The following COL24A1 variants were observed in gnomAD, a reference collection of about 807,000 sequenced individuals.
COL24A1 encodes collagen alpha-1(XXIV) chain.
COL24A1 carries 224 observed loss-of-function variants against 253.9 expected under a neutral mutation model. The observed-to-expected ratio is 0.88, with a 90% CI of 0.79 to 0.99. COL24A1 has a LOEUF of 0.99. Among genes scored for constraint, COL24A1 ranks in the 50% least tolerant of loss-of-function variants. The probability of loss-of-function intolerance (pLI) is 0.00; values close to 1 mark genes in which losing one functional copy is unlikely to be tolerated. For synonymous variants in COL24A1, 685 were observed against 673.7 expected (o/e 1.02, Z -0.26); for missense variants, 2,131 against 2,068.5 (o/e 1.03, Z -0.59).
intron 19 of COL24A1, among the ~76,000 whole-genome samples, chr1:86,013,620 G>A (rs183168623): frequency 7.9e-4 from 120 of 152,302 alleles, no homozygotes; most frequent in African/African-American, 2.8e-3. Context: ...TGGATCACCT[G>A]AGGTCAGGAG....
intron 37 of COL24A1, among the ~76,000 whole-genome samples, chr1:85,851,683 A>G (rs1677785383): frequency 6.6e-6 from 1 of 152,168 alleles, no homozygotes; most frequent in Non-Finnish European, 1.5e-5. Flanking sequence ...TTATGGAAAA[A>G]CGTATAGCTA....
chr1:85,754,712 T>G (rs72948695), intron 55 of COL24A1, among the ~76,000 whole-genome samples: 5,327 of 151,914 alleles, frequency 0.035, 307 homozygotes, highest in African/African-American at 0.12. Flanking sequence ...GGCTCTACAG[T>G]AGATTTCCAT....
chr1:86,114,663 T>C lies in COL24A1; in HGVS notation c.1545+662A>G, dbSNP rs114605145. 9.0e-3 allele frequency among the ~76,000 whole-genome samples: 1,375 copies of C among 152,270 alleles called. 23 individuals are homozygous for C. The highest frequency in any genetic ancestry group is 0.074 in the East Asian group (384 of 5,184). ...AACTTAAAGTAATATTTTAGAGTAA[T>C]TTTTCTTTATAATCTTTGTATGTTA... On this transcript the variant is annotated intron_variant, in intron 4 of 59. Transcript: ENST00000370571.
Position 86,022,302 on chromosome 1 carries a change from A to C in COL24A1, c.2203-9T>G. On this transcript the variant is annotated splice_polypyrimidine_tract_variant and intron_variant, in intron 17 of 59. Transcript: ENST00000370571. ...GGTAAACCAACAGCACCCTAAGAGAAGAGAATAACAGAAGAGAAAGTTATT... is the reference window on the plus strand; with the variant it reads ...GGTAAACCAACAGCACCCTAAGAGACGAGAATAACAGAAGAGAAAGTTATT... 1 of 1,522,118 alleles carries C rather than the reference A, an allele frequency of 6.6e-7. No individual in the cohort carries two copies. Among genetic ancestry groups the C allele is most frequent in the Non-Finnish European group, 8.7e-7 (1 of 1,144,924 alleles). The allele number at this position is 1,522,118 out of a possible 1,614,324, so 94.3% of individuals were successfully genotyped here.
Position 85,783,498 on chromosome 1 carries a change from T to A in COL24A1, c.4282A>T (p.Arg1428Ter). ...ISGPKGPIGHRGNTGPLGREG... is the reference protein window; with the variant it reads ...ISGPKGPIGH ...AGGCAGAATGACTTTACACTTACTC[T>A]GTGTCCAATAGGACCTTTAGGACCT... The change falls in exon 51 of 60, where the codon AGA (arginine) becomes TGA (stop). Residue 1428 changes from arginine (R) to a stop codon, truncating the protein, a stop_gained and splice_region_variant. Transcript: ENST00000370571. LOFTEE classifies it high-confidence loss of function. 6.2e-7 allele frequency: 1 copy of A among 1,613,102 alleles called. No individual in the cohort carries two copies.
At chr1:85,847,616 T>G (rs878980048) in intron 39 of COL24A1, 49 bp downstream of exon 39, 1 of 1,346,780 alleles carries the variant, frequency 7.4e-7, no homozygotes, top group South Asian at 1.2e-5. Context: ...TGGATACGTT[T>G]CTTTCCCATC....
At chr1:85,795,550 T>C (rs1005082903) in intron 47 of COL24A1, among the ~76,000 whole-genome samples, 1 of 152,192 alleles carries the variant, frequency 6.6e-6, no homozygotes, top group African/African-American at 2.4e-5. Flanking sequence ...ATATCAATTT[T>C]ATTGATTTCT....
chr1:85,877,316 TTACTC>T, intron 32 of COL24A1, 141 bp from the exon 33 acceptor site: 1 of 573,840 alleles, frequency 1.7e-6, no homozygotes. Flanking sequence ...GCATATTACT[TTACTC>T]TGTATAAACA....
chr1:85,932,916 A>G (rs1407368940), intron 24 of COL24A1, among the ~76,000 whole-genome samples: 1 of 94,558 alleles, frequency 1.1e-5, no homozygotes, highest in Non-Finnish European at 2.1e-5. Flanking sequence ...GAAGGGGAAT[A>G]TCACACTCTG....
At chr1:85,826,044 T>A in intron 43 of COL24A1, among the ~76,000 whole-genome samples, 1 of 135,022 alleles carries the variant, frequency 7.4e-6, no homozygotes, top group South Asian at 2.7e-4. Context: ...CTTCTAGGGT[T>A]TTTATGGTTT....
intron 20 of COL24A1, among the ~76,000 whole-genome samples, chr1:85,985,680 A>T (rs1363622018): frequency 6.6e-6 from 1 of 151,746 alleles, no homozygotes; most frequent in East Asian, 1.9e-4. Flanking sequence ...TTTTAAGGGT[A>T]AAGGGGAAAT....
intron 2 of COL24A1, among the ~76,000 whole-genome samples, chr1:86,143,461 G>A (rs1651441522): frequency 6.6e-6 from 1 of 152,026 alleles, no homozygotes; most frequent in African/African-American, 2.4e-5. Flanking sequence ...AAATATAAAC[G>A]TACATGGCTC....
intron 45 of COL24A1, among the ~76,000 whole-genome samples, chr1:85,822,109 A>G (rs1673688318): frequency 6.6e-6 from 1 of 152,152 alleles, no homozygotes; most frequent in Non-Finnish European, 1.5e-5. Flanking sequence ...CTGCTTGTTT[A>G]GGCTTATCTT....
At chr1:86,017,120 C>A in intron 19 of COL24A1, 31 bp downstream of exon 19, 2 of 1,578,636 alleles carry the variant, frequency 1.3e-6, no homozygotes, top group East Asian at 2.3e-5. Context: ...CATTTTGTTT[C>A]AAATTTATTA....
intron 55 of COL24A1, among the ~76,000 whole-genome samples, chr1:85,748,502 CT>C (rs1665529397): frequency 6.6e-6 from 1 of 152,214 alleles, no homozygotes; most frequent in South Asian, 2.1e-4. Flanking sequence ...AAAACCATGT[CT>C]TTAGAACTAA....
chr1:85,851,385 A>G (rs1005297116), intron 37 of COL24A1, among the ~76,000 whole-genome samples: 10 of 152,040 alleles, frequency 6.6e-5, no homozygotes, highest in African/African-American at 2.4e-4. Context: ...TTCTTTTGCT[A>G]TTACAGACAA....
chr1:85,875,277 C>A lies in COL24A1; in HGVS notation c.3084G>T (p.Lys1028Asn). 2 of 1,613,460 alleles carry A rather than the reference C, an allele frequency of 1.2e-6. No homozygotes were observed. Among genetic ancestry groups the A allele is most frequent in the East Asian group, 4.5e-5 (2 of 44,864 alleles). Residue 1028 changes from lysine (K) to asparagine (N), a missense_variant and splice_region_variant, in exon 34 of 60, where the codon AAG (lysine) becomes AAT (asparagine). Transcript: ENST00000370571. Reference protein sequence around the residue: ...ESGLQGEPGAKGDVGTAGSVG... With the variant: ...ESGLQGEPGANGDVGTAGSVG... ...TCTCCTTTATTTTTTAGAAGGTTAC[C>A]TTTGCACCTGGTTCACCTTGCAGAC...
At position 86,022,847 on chromosome 1, in the gene COL24A1, T is replaced by A; in HGVS notation, c.2134A>T (p.Ile712Phe). ...ATTTAAATCACCTTATCACCTTTGA[T>A]TCCAGGTAGTCCTTTATTCCCTGAA... is the stretch of plus-strand genomic sequence containing the variant. ...GLSGNKGLPG[I>F]KGDKGEQGTA... The change falls in exon 16 of 60, where the codon ATC (isoleucine) becomes TTC (phenylalanine). Residue 712 changes from isoleucine to phenylalanine, a missense_variant. By Grantham distance (21) the Ile-to-Phe change is conservative. Transcript: ENST00000370571. 1 of 1,585,638 alleles carries A rather than the reference T, an allele frequency of 6.3e-7. No homozygotes were observed. The highest frequency in any genetic ancestry group is 8.6e-7 in the Non-Finnish European group (1 of 1,164,572).
chr1:86,063,245 T>C (rs1701222816), intron 8 of COL24A1, among the ~76,000 whole-genome samples: 1 of 152,130 alleles, frequency 6.6e-6, no homozygotes, highest in East Asian at 1.9e-4. Flanking sequence ...TGGACTGTTA[T>C]TGAAATTTAT....
Sources: gnomAD v4.1 joint callset for allele counts (sites outside exome capture counted in the v4.1 genomes callset) on GRCh38, gnomAD v4.1.1 for gene constraint, MANE v1.5 for transcripts, NCBI Gene and HGNC (gene_info 2026-07-23, HGNC 2026-07-21) for gene names.